The following CDK8 variants were observed in gnomAD, a reference collection of about 807,000 sequenced individuals.
CDK8 encodes the protein cyclin dependent kinase 8, also known as cyclin-dependent kinase 8.
CDK8 carries 29 observed loss-of-function variants against 71.5 expected under a neutral mutation model. The observed-to-expected ratio is 0.41, with a 90% CI of 0.30 to 0.55. CDK8 has a LOEUF of 0.55. CDK8 is among the 20% of genes least tolerant of loss of function. The pLI, the probability that CDK8 is intolerant of heterozygous loss-of-function variation, is 0.37. For synonymous variants in CDK8, 161 were observed against 192.1 expected (o/e 0.84, Z 1.34); for missense variants, 288 against 572.6 (o/e 0.50, Z 5.07).
intron 1 of CDK8, among the ~76,000 whole-genome samples, chr13:26,294,330 C>T (rs900059366): frequency 2.6e-5 from 4 of 152,010 alleles, no homozygotes; most frequent in Admixed American, 2.0e-4. Context: ...GTTCATCTGT[C>T]GATGATTCTT....
At chr13:26,327,291 G>A (rs1175722) in intron 1 of CDK8, among the ~76,000 whole-genome samples, 4 of 152,022 alleles carry the variant, frequency 2.6e-5, no homozygotes, top group African/African-American at 9.7e-5. Context: ...AAATAACATT[G>A]TAGGAATGTT....
In CDK8 at chr13:26,263,129, T is replaced by G. The variant is rs12323146; in HGVS notation, c.128+8360T>G. 6.8e-3 allele frequency among the ~76,000 whole-genome samples: 1,028 copies of G among 150,778 alleles called. 7 individuals are homozygous for G. Among genetic ancestry groups the G allele is most frequent in the Middle Eastern group, 0.024 (7 of 292 alleles). ...TTTTTGAGGAAAGAAGGAGTAGGTT[T>G]TTTTTGTTTTTCGGTTTTTTTTTTG... On this transcript the variant is annotated intron_variant, in intron 1 of 12. Transcript: ENST00000381527.
At chr13:26,355,784 CTG>C (rs996934268) in intron 4 of CDK8, among the ~76,000 whole-genome samples, 3 of 152,062 alleles carry the variant, frequency 2.0e-5, no homozygotes, top group African/African-American at 7.2e-5. Flanking sequence ...AAAGAAAAAA[CTG>C]TGGCTTAAGG....
At chr13:26,325,409 T>A (rs571061552) in intron 1 of CDK8, among the ~76,000 whole-genome samples, 46 of 152,336 alleles carry the variant, frequency 3.0e-4, no homozygotes, top group Non-Finnish European at 5.9e-4. Context: ...TTAATTTGCT[T>A]TGATGCATTG....
intron 6 of CDK8, among the ~76,000 whole-genome samples, chr13:26,387,410 A>G (rs1192191539): frequency 6.6e-6 from 1 of 152,208 alleles, no homozygotes; most frequent in Non-Finnish European, 1.5e-5. Context: ...TGGGGCTTAT[A>G]GAGTGAGAAC....
intron 4 of CDK8, among the ~76,000 whole-genome samples, chr13:26,377,312 C>T (rs1875001434): frequency 6.6e-6 from 1 of 152,224 alleles, no homozygotes; most frequent in African/African-American, 2.4e-5. Flanking sequence ...GAAGCTCTCC[C>T]ATTCCTGAAT....
intron 9 of CDK8, 84 bp from the exon 10 acceptor site, chr13:26,400,369 A>G: frequency 1.2e-6 from 1 of 843,398 alleles, no homozygotes; most frequent in Non-Finnish European, 2.0e-6. Context: ...TTATTCACCA[A>G]AAAATATATA....
chr13:26,393,399 C>G lies in CDK8; in HGVS notation c.679C>G (p.Leu227Val), dbSNP rs2138063167. The G allele has an allele frequency of 6.2e-7, 1 of 1,607,626 alleles. No homozygotes were observed. Among genetic ancestry groups the G allele is most frequent in the Non-Finnish European group, 8.5e-7 (1 of 1,175,796 alleles). The change falls in exon 7 of 13, where the codon CTA becomes GTA. Residue 227 changes from leucine to valine, a missense_variant. By Grantham distance (32) the Leu-to-Val change is conservative (BLOSUM62 1). Transcript: ENST00000381527. ...IWAIGCIFAE[L>V]LTSEPIFHCR... Reference sequence around the variant, plus strand: ...GGCTATAGGGTGTATATTTGCAGAACTACTAACGTCAGAACCAATATTTCA... The same window carrying G: ...GGCTATAGGGTGTATATTTGCAGAAGTACTAACGTCAGAACCAATATTTCA...
intron 2 of CDK8, among the ~76,000 whole-genome samples, chr13:26,345,322 G>A (rs1873417258): frequency 6.6e-6 from 1 of 152,122 alleles, no homozygotes; most frequent in African/African-American, 2.4e-5. Context: ...TCAGAGATTT[G>A]TTGTCTGGTT....
chr13:26,315,033 G>A (rs550486288), intron 1 of CDK8, among the ~76,000 whole-genome samples: 2 of 152,078 alleles, frequency 1.3e-5, no homozygotes, highest in South Asian at 4.2e-4. Flanking sequence ...TTATGAGCTA[G>A]TTGGAAATTA....
chr13:26,322,633 A>T (rs1874827253), intron 1 of CDK8, among the ~76,000 whole-genome samples: 1 of 152,182 alleles, frequency 6.6e-6, no homozygotes, highest in Non-Finnish European at 1.5e-5. Flanking sequence ...AGGTGAGTTT[A>T]TCACTTCCTG....
chr13:26,267,602 C>T (rs769752909), intron 1 of CDK8, among the ~76,000 whole-genome samples: 13 of 152,214 alleles, frequency 8.5e-5, no homozygotes, highest in Middle Eastern at 3.4e-3. Context: ...TTATTCTGTG[C>T]TTTGCTTTTT....
rs759254525 is a variant in CDK8 at position 26,291,696 on chromosome 13, C to A, written c.128+36927C>A. Among the ~76,000 whole-genome samples the A allele has an allele frequency of 5.5e-4, 83 of 152,236 alleles. 1 individual carries two copies. The highest frequency in any genetic ancestry group is 1.2e-3 in the South Asian group (6 of 4,820). On this transcript the variant is annotated intron_variant, in intron 1 of 12. Transcript: ENST00000381527. ...CTCCTATTTTTAAATTTAGAGTAAT[C>A]TGTTGCAATTTGCTATCATGGTACA...
chr13:26,362,218 TGATAGATGGATGGATGGATG>T (rs1874175850), intron 4 of CDK8, among the ~76,000 whole-genome samples: 1 of 137,328 alleles, frequency 7.3e-6, no homozygotes, highest in Non-Finnish European at 1.6e-5. Context: ...GGATGATAGA[TGATAGATGGATGGATGGATG>T]GATGGATGGA....
intron 1 of CDK8, among the ~76,000 whole-genome samples, chr13:26,293,002 A>C (rs1873371192): frequency 6.6e-6 from 1 of 152,202 alleles, no homozygotes; most frequent in South Asian, 2.1e-4. Context: ...GCTTTCAGTT[A>C]GAAAGTATTT....
chr13:26,273,724 T>A (rs1362738927), intron 1 of CDK8, among the ~76,000 whole-genome samples: 1 of 151,974 alleles, frequency 6.6e-6, no homozygotes, highest in Admixed American at 6.6e-5. Context: ...TCGGAGTTCA[T>A]CTACCTATGG....
At chr13:26,361,494 A>G (rs1175421451) in intron 4 of CDK8, among the ~76,000 whole-genome samples, 4 of 152,186 alleles carry the variant, frequency 2.6e-5, no homozygotes, top group African/African-American at 9.6e-5. Flanking sequence ...CAGTCAACCT[A>G]CAATTGGGCA....
intron 1 of CDK8, among the ~76,000 whole-genome samples, chr13:26,301,250 A>G (rs780653295): frequency 4.0e-5 from 6 of 149,562 alleles, no homozygotes; most frequent in Admixed American, 1.3e-4. Flanking sequence ...CAGAAAGTCA[A>G]ACTTCCTAGA....
chr13:26,326,983 A>G (rs1324153325), intron 1 of CDK8, among the ~76,000 whole-genome samples: 1 of 152,210 alleles, frequency 6.6e-6, no homozygotes, highest in African/African-American at 2.4e-5. Context: ...CATATTATGA[A>G]TAGTGAGGAA....
Sources: gnomAD v4.1 joint callset for allele counts (sites outside exome capture counted in the v4.1 genomes callset) on GRCh38, gnomAD v4.1.1 for gene constraint, MANE v1.5 for transcripts, NCBI Gene and HGNC (gene_info 2026-07-23, HGNC 2026-07-21) for gene names.